Variants in CRADD observed in about 807,000 individuals in gnomAD.
The protein encoded by CRADD is death domain-containing protein CRADD.
In CRADD, 9 loss-of-function variants were observed where a neutral mutation model predicts 15.5. That is an observed-to-expected ratio of 0.58 (90% CI 0.35 to 1.01). The LOEUF (loss-of-function observed/expected upper bound fraction) is 1.01. Ranked by LOEUF, CRADD falls within the 50% of genes least tolerant of loss-of-function variation. The pLI is 0.02. For missense variants in CRADD, 227 were observed against 250.3 expected, an observed-to-expected ratio of 0.91 and a Z score of 0.63; for synonymous variants, 118 against 107.6, an observed-to-expected ratio of 1.10 and a Z score of -0.60.
At chr12:93,747,660 G>T (rs1379960987) in intron 2 of CRADD, among the ~76,000 whole-genome samples, 1 of 152,058 alleles carries the variant, frequency 6.6e-6, no homozygotes, top group Non-Finnish European at 1.5e-5. Flanking sequence ...TAGAGACAGG[G>T]TTTCACTATG....
intron 2 of CRADD, among the ~76,000 whole-genome samples, chr12:93,863,838 T>G (rs1381768614): frequency 6.6e-6 from 1 of 152,196 alleles, no homozygotes; most frequent in African/African-American, 2.4e-5. Context: ...ACCTATGCCA[T>G]TATTAGTTTA....
intron 2 of CRADD, among the ~76,000 whole-genome samples, chr12:93,794,906 C>T (rs1175728558): frequency 1.3e-5 from 2 of 152,166 alleles, no homozygotes; most frequent in Non-Finnish European, 2.9e-5. Context: ...GTTCTCTTCT[C>T]TCTCCCTGCT....
Position 93,678,857 on chromosome 12 carries a change from A to G in CRADD, c.83A>G (p.Gln28Arg), listed in dbSNP as rs1436194580. 6.2e-7 allele frequency: 1 copy of G among 1,614,224 alleles called. No homozygotes were observed. Among genetic ancestry groups the G allele is most frequent in the African/African-American group, 1.3e-5 (1 of 75,060 alleles). The change falls in exon 2 of 3, where the codon CAG becomes CGG. Residue 28 changes from glutamine (Q) to arginine (R), a missense_variant. Physicochemically the swap from Gln to Arg is conservative, Grantham distance 43. Transcript: ENST00000332896. ...GTATTGGTGGAGGGACTGGTTCTTC[A>G]GTACCTCTACCAGGAAGGAATCTTG... ...AEVLVEGLVL[Q>R]YLYQEGILTE...
intron 2 of CRADD, among the ~76,000 whole-genome samples, chr12:93,832,636 A>G (rs1204543622): frequency 6.6e-6 from 1 of 152,216 alleles, no homozygotes; most frequent in Admixed American, 6.5e-5. Context: ...ATCTGTTTAC[A>G]TATTTATATA....
intron 2 of CRADD, among the ~76,000 whole-genome samples, chr12:93,789,887 C>G (rs1163389648): frequency 6.6e-6 from 1 of 152,142 alleles, no homozygotes; most frequent in Non-Finnish European, 1.5e-5. Flanking sequence ...AAGTTATTCT[C>G]TGTTTTGTTC....
intron 2 of CRADD, among the ~76,000 whole-genome samples, chr12:93,878,881 T>C (rs1349457602): frequency 1.3e-5 from 2 of 152,158 alleles, no homozygotes; most frequent in Non-Finnish European, 2.9e-5. Flanking sequence ...GCTCACCTGA[T>C]TTTTGGTTCT....
chr12:93,878,915 T>C (rs1958476422), intron 2 of CRADD, among the ~76,000 whole-genome samples: 2 of 152,196 alleles, frequency 1.3e-5, no homozygotes, highest in African/African-American at 4.8e-5. Flanking sequence ...TTTTTCTGCG[T>C]AGATCGTTGT....
At chr12:93,848,025 C>T (rs1479543046) in intron 2 of CRADD, among the ~76,000 whole-genome samples, 2 of 152,172 alleles carry the variant, frequency 1.3e-5, no homozygotes, top group African/African-American at 4.8e-5. Flanking sequence ...ACCCATTACC[C>T]TCTATCTAGC....
intron 2 of CRADD, among the ~76,000 whole-genome samples, chr12:93,808,021 A>G (rs554849123): frequency 6.8e-6 from 1 of 146,958 alleles, no homozygotes; most frequent in East Asian, 2.0e-4. Flanking sequence ...AGGCTAAGGA[A>G]CAGAGGTAGC....
At chr12:93,886,162 C>CGTTTTTTTTTTTTTTTTTTTTT (rs1555231623) in intron 2 of CRADD, among the ~76,000 whole-genome samples, 1 of 123,948 alleles carries the variant, frequency 8.1e-6, no homozygotes, top group African/African-American at 3.0e-5. Flanking sequence ...GCTGCTGATG[C>CGTTTTTTTTTTTTTTTTTTTTT]TTTTTTTTTT....
intron 1 of CRADD, 50 bp from the exon 2 acceptor site, chr12:93,678,719 G>A: frequency 1.9e-6 from 3 of 1,568,442 alleles, no homozygotes; most frequent in Non-Finnish European, 2.6e-6. Context: ...CTGTCTTTAG[G>A]GCCACATCAA....
chr12:93,818,326 G>A (rs1221372286), intron 2 of CRADD, among the ~76,000 whole-genome samples: 5 of 152,140 alleles, frequency 3.3e-5, no homozygotes, highest in Admixed American at 6.5e-5. Context: ...ATACAAAAAG[G>A]TACCTAGTGA....
At position 93,795,521 on chromosome 12, in the gene CRADD, C is replaced by T. The variant is rs369399250; in HGVS notation, c.299-54449C>T. Among the ~76,000 whole-genome samples the T allele has an allele frequency of 6.0e-4, 92 of 152,318 alleles. 1 individual carries two copies. The South Asian group carries it at 0.018, about 29-fold the overall frequency. ...GCTGCTCGCACGTCCTCTTCCCTTA[C>T]AGTATTTGGACTTTACACCACTCAT... On this transcript the variant is annotated intron_variant, in intron 2 of 2. Transcript: ENST00000332896.
chr12:93,772,157 A>C (rs980272497), intron 2 of CRADD, among the ~76,000 whole-genome samples: 1 of 152,162 alleles, frequency 6.6e-6, no homozygotes, highest in African/African-American at 2.4e-5. Flanking sequence ...AATCAAGTTG[A>C]CATCCTTTGT....
intron 2 of CRADD, among the ~76,000 whole-genome samples, chr12:93,813,527 A>G (rs778729226): frequency 3.3e-5 from 5 of 151,618 alleles, no homozygotes; most frequent in Non-Finnish European, 5.9e-5. Context: ...CATTCACATT[A>G]TATGTGTCAG....
At position 93,835,543 on chromosome 12, in the gene CRADD, C is replaced by G. The variant is rs112582611; in HGVS notation, c.299-14427C>G. ...ATCTTTAAACACTTTGGCCTGGGTT[C>G]TCTACTTCAGGAATACTCATTAATC... On this transcript the variant is annotated intron_variant, in intron 2 of 2. Transcript: ENST00000332896. 3.2e-3 allele frequency among the ~76,000 whole-genome samples: 481 copies of G among 152,234 alleles called. 1 individual carries two copies. Among genetic ancestry groups the G allele is most frequent in the African/African-American group, 0.011 (463 of 41,536 alleles).
chr12:93,678,747 C>T, intron 1 of CRADD, 22 bp from the exon 2 acceptor site: 1 of 1,597,988 alleles, frequency 6.3e-7, no homozygotes, highest in South Asian at 1.1e-5. Context: ...GTAATTTGAG[C>T]TGTGATTTTG....
chr12:93,788,462 C>T (rs1957306699), intron 2 of CRADD, among the ~76,000 whole-genome samples: 1 of 152,154 alleles, frequency 6.6e-6, no homozygotes, highest in African/African-American at 2.4e-5. Context: ...AACACCTGAC[C>T]ACAGTGTGTG....
intron 2 of CRADD, among the ~76,000 whole-genome samples, chr12:93,694,678 A>G (rs1955657979): frequency 1.3e-5 from 2 of 152,216 alleles, no homozygotes; most frequent in African/African-American, 4.8e-5. Context: ...ACAGCAAACT[A>G]TTTGAAAAAG....
Sources: allele counts gnomAD v4.1 joint callset (sites outside exome capture counted in the v4.1 genomes callset), GRCh38; gene constraint gnomAD v4.1.1; transcripts MANE v1.5; gene names NCBI Gene and HGNC (gene_info 2026-07-23, HGNC 2026-07-21).